The following FLNB variants were observed in gnomAD, a reference collection of about 807,000 sequenced individuals.
FLNB encodes the protein filamin-B.
In FLNB, 111 loss-of-function variants were observed where a neutral mutation model predicts 250.6. The ratio of observed to expected loss-of-function variants is 0.44; its 90% CI spans 0.38 to 0.52. FLNB has a LOEUF of 0.52. Ranked by LOEUF, FLNB falls within the 20% of genes least tolerant of loss-of-function variation. FLNB has a pLI of 0.00. For synonymous variants in FLNB, 1,302 were observed against 1,372.1 expected (o/e 0.95, Z 1.13); for missense variants, 2,869 against 3,447.8 (o/e 0.83, Z 4.20).
At chr3:58,112,016 A>C (rs879425543) in intron 17 of FLNB, 133 bp from the exon 18 acceptor site, 3 of 1,158,872 alleles carry the variant, frequency 2.6e-6, no homozygotes, top group Non-Finnish European at 3.9e-6. Context: ...TGCAGCTCTG[A>C]TGCAGCAGTG....
Position 58,071,969 on chromosome 3 carries a change from C to T in FLNB, c.293-5077C>T, listed in dbSNP as rs112561544. 3.5e-3 allele frequency among the ~76,000 whole-genome samples: 518 copies of T among 149,332 alleles called. 4 individuals are homozygous for T. The highest frequency in any genetic ancestry group is 0.012 in the African/African-American group (476 of 39,698). On this transcript the variant is annotated intron_variant, in intron 1 of 45. Transcript: ENST00000295956. ...CCTAAAAATAGCCGGTTTCCACCCC[C>T]GTGAATGCATCCATTCTAGAATGCT...
rs967175497 is a variant in FLNB, at chr3:58,016,747, G to A, written c.292+7891G>A. ...TTCTGCTTTTAATTTTCATCTTTGA[G>A]TATTCTAAATTAAGGAGCTGGATCT... On this transcript the variant is annotated intron_variant, in intron 1 of 45. Coordinates refer to ENST00000295956, the MANE Select transcript of FLNB (RefSeq NM_001457.4). Among the ~76,000 whole-genome samples the A allele has an allele frequency of 1.4e-4, 21 of 151,886 alleles. 1 individual carries two copies. The highest frequency in any genetic ancestry group is 5.1e-4 in the African/African-American group (21 of 41,400).
chr3:58,168,821 TAC>T, intron 44 of FLNB, 163 bp downstream of exon 44: 1 of 684,354 alleles, frequency 1.5e-6, no homozygotes, highest in Non-Finnish European at 2.7e-6. Flanking sequence ...GTTTGAAACT[TAC>T]AAAAGTCCAC....
At chr3:58,069,393 G>A (rs778822265) in intron 1 of FLNB, among the ~76,000 whole-genome samples, 1 of 151,686 alleles carries the variant, frequency 6.6e-6, no homozygotes, top group Non-Finnish European at 1.5e-5. Flanking sequence ...GGTGCCCACC[G>A]CCATGCCTGG....
intron 4 of FLNB, among the ~76,000 whole-genome samples, chr3:58,093,117 T>G (rs2097231043): frequency 6.6e-6 from 1 of 152,212 alleles, no homozygotes; most frequent in South Asian, 2.1e-4. Flanking sequence ...TGTTATGTTA[T>G]TTGCTAGAGT....
At chr3:58,059,575 C>A (rs1406756563) in intron 1 of FLNB, among the ~76,000 whole-genome samples, 2 of 152,192 alleles carry the variant, frequency 1.3e-5, no homozygotes, top group Non-Finnish European at 2.9e-5. Flanking sequence ...CCAGCCACGG[C>A]AGCAGCTGGT....
At chr3:58,146,792 AC>A (rs1388205708) in intron 33 of FLNB, 27 bp from the exon 34 acceptor site, 1 of 1,613,020 alleles carries the variant, frequency 6.2e-7, no homozygotes. Context: ...TCTCCCTAAC[AC>A]CCCTGCATCC....
intron 28 of FLNB, among the ~76,000 whole-genome samples, chr3:58,136,792 C>G (rs1173975835): frequency 2.6e-5 from 3 of 115,092 alleles, no homozygotes; most frequent in African/African-American, 1.1e-4. Context: ...TGCTCTGTTG[C>G]CCAGGCTGGA....
In FLNB at chr3:58,008,666, C is replaced by G; in HGVS notation, c.102C>G (p.Asn34Lys). 6.2e-7 allele frequency: 1 copy of G among 1,614,182 alleles called. No homozygotes were observed. ...GCAACGAGCACCTCAAGTGCGTGAA[C>G]AAACGCATCGGCAACCTGCAGACCG... ...RWCNEHLKCV[N>K]KRIGNLQTDL... is the part of the protein sequence containing the mutation. Residue 34 changes from asparagine to lysine, a missense_variant, in exon 1 of 46, where the codon AAC (asparagine) becomes AAG (lysine). By Grantham distance (94) the Asn-to-Lys change is moderately conservative. This residue lies in a region of FLNB where 308 missense variants were observed against 466.1 expected (regional missense o/e 0.66). Transcript: ENST00000295956.
intron 1 of FLNB, among the ~76,000 whole-genome samples, chr3:58,031,118 A>G (rs2097130238): frequency 6.6e-6 from 1 of 152,200 alleles, no homozygotes; most frequent in African/African-American, 2.4e-5. Flanking sequence ...ACAGTCATGA[A>G]GAGGTGTATA....
At position 58,104,061 on chromosome 3, in the gene FLNB, G is replaced by A; in HGVS notation, c.1586G>A (p.Trp529Ter). The change falls in exon 10 of 46, where the codon TGG becomes TAG. Residue 529 changes from tryptophan to a stop codon, truncating the protein, a stop_gained. Coordinates refer to ENST00000295956, the MANE Select transcript of FLNB (RefSeq NM_001457.4). LOFTEE classifies it high-confidence loss of function. ...TPGRYSIAITWGGHHIPKSPF... is the reference protein window; with the variant it reads ...TPGRYSIAIT ...GGGAGATACAGCATTGCCATCACAT[G>A]GGGGGGACACCACATTCCAAAGAGG... 6.2e-7 allele frequency: 1 copy of A among 1,613,246 alleles called. No homozygotes were observed. The highest frequency in any genetic ancestry group is 8.5e-7 in the Non-Finnish European group (1 of 1,179,510).
intron 1 of FLNB, among the ~76,000 whole-genome samples, chr3:58,015,824 G>C (rs2097104987): frequency 6.6e-6 from 1 of 152,180 alleles, no homozygotes; most frequent in Non-Finnish European, 1.5e-5. Context: ...CCCCTAGGCT[G>C]GGTATGGGTA....
chr3:58,163,368 C>G (rs1366035202), intron 43 of FLNB, 38 bp downstream of exon 43: 1 of 1,603,492 alleles, frequency 6.2e-7, no homozygotes, highest in East Asian at 2.2e-5. Context: ...CTTAACTGAA[C>G]CAGCTCCAGG....
At chr3:58,127,055 G>A (rs2097299173) in intron 24 of FLNB, among the ~76,000 whole-genome samples, 3 of 152,146 alleles carry the variant, frequency 2.0e-5, no homozygotes, top group African/African-American at 7.2e-5. Flanking sequence ...AATCACAGTG[G>A]CTCACACCTG....
Position 58,103,824 on chromosome 3 carries a change from C to T in FLNB, c.1484-135C>T. 6 of 1,013,680 alleles carry T rather than the reference C, an allele frequency of 5.9e-6. No homozygotes were observed. In the South Asian group the frequency reaches 7.7e-5, roughly 13 times the overall value. The allele number at this position is 1,013,680 out of a possible 1,614,324, so 62.8% of individuals were successfully genotyped here. Reference sequence around the variant, plus strand: ...AGGCTTTGAGGGGAGAGGTCCCATACTCTGGGGCAGCCCACTTGGTTTTTA... The same window carrying T: ...AGGCTTTGAGGGGAGAGGTCCCATATTCTGGGGCAGCCCACTTGGTTTTTA... On this transcript the variant is annotated intron_variant, in intron 9 of 45. Transcript: ENST00000295956.
In FLNB at chr3:58,155,943, C is replaced by A. The variant is rs201486505; in HGVS notation, c.6773-17C>A. On this transcript the variant is annotated splice_polypyrimidine_tract_variant and intron_variant, in intron 40 of 45. Transcript: ENST00000295956. ...GTCCAGAGTCTCTGAAATGATGGGACTTTCCTGTCCTCATAGGTAACTACG... is the reference window on the plus strand; with the variant it reads ...GTCCAGAGTCTCTGAAATGATGGGAATTTCCTGTCCTCATAGGTAACTACG... 8 of 1,568,604 alleles carry A rather than the reference C, an allele frequency of 5.1e-6. No individual in the cohort carries two copies. The highest frequency in any genetic ancestry group is 7.0e-6 in the Non-Finnish European group (8 of 1,138,412).
intron 1 of FLNB, among the ~76,000 whole-genome samples, chr3:58,070,219 A>G (rs2097192127): frequency 6.6e-6 from 1 of 151,510 alleles, no homozygotes; most frequent in East Asian, 1.9e-4. Flanking sequence ...TGCTAATTTT[A>G]TTTTTAGTGG....
chr3:58,170,570 C>T lies in FLNB; in HGVS notation c.7622-5C>T. 6.2e-7 allele frequency: 1 copy of T among 1,614,048 alleles called. No individual in the cohort carries two copies. Among genetic ancestry groups the T allele is most frequent in the Non-Finnish European group, 8.5e-7 (1 of 1,179,988 alleles). On this transcript the variant is annotated splice_polypyrimidine_tract_variant and splice_region_variant and intron_variant, in intron 45 of 45. Transcript: ENST00000295956. ...CGGGTGGAGTAACCACCTTTTGCCT[C>T]CTAGGCTCCAACATGCTGCTGATCG...
intron 3 of FLNB, among the ~76,000 whole-genome samples, chr3:58,079,145 C>T (rs2097205574): frequency 6.6e-6 from 1 of 152,256 alleles, no homozygotes; most frequent in East Asian, 1.9e-4. Flanking sequence ...AATATGGACC[C>T]TAACTATTAG....
Sources: allele counts gnomAD v4.1 joint callset (sites outside exome capture counted in the v4.1 genomes callset), GRCh38; gene constraint gnomAD v4.1.1; regional missense constraint gnomAD v4.1.1; transcripts MANE v1.5; gene names NCBI Gene and HGNC (gene_info 2026-07-23, HGNC 2026-07-21).